The following MYO16 variants were observed in gnomAD, a reference collection of about 807,000 sequenced individuals.
The protein encoded by MYO16 is myosin XVI.
In MYO16, 94 loss-of-function variants were observed where a neutral mutation model predicts 205.3. That is an observed-to-expected ratio of 0.46 (90% CI 0.39 to 0.54). MYO16 has a LOEUF of 0.54. Among genes scored for constraint, MYO16 ranks in the 20% least tolerant of loss-of-function variants. MYO16 has a pLI of 0.00. For missense variants in MYO16, 2,315 were observed against 2,387.5 expected (o/e 0.97, Z 0.63); for synonymous variants, 988 against 954.0 (o/e 1.04, Z -0.66).
intron 1 of MYO16, among the ~76,000 whole-genome samples, chr13:108,639,727 A>C (rs1374558465): frequency 6.6e-6 from 1 of 152,252 alleles, no homozygotes; most frequent in Non-Finnish European, 1.5e-5. Context: ...GCAGTGGCAC[A>C]GTCTGGGAGG....
chr13:109,188,959 T>C (rs1201365518), intron 34 of MYO16, among the ~76,000 whole-genome samples: 1 of 152,028 alleles, frequency 6.6e-6, no homozygotes, highest in Admixed American at 6.5e-5. Context: ...CTGGGCGTGG[T>C]GGTGCATGCC....
chr13:108,853,857 C>T (rs1388990190), intron 10 of MYO16, among the ~76,000 whole-genome samples: 1 of 151,704 alleles, frequency 6.6e-6, no homozygotes, highest in African/African-American at 2.4e-5. Flanking sequence ...AACTCCAGTG[C>T]CATAAAGCTT....
chr13:108,573,181 G>C, the MYO16 span, among the ~76,000 whole-genome samples: 54 of 152,318 alleles, frequency 3.5e-4, no homozygotes, highest in South Asian at 0.011. Context: ...AGAGGTCCAG[G>C]AGAGAAGATA....
chr13:108,610,621 T>G (rs1236613351), intron 1 of MYO16, among the ~76,000 whole-genome samples: 3 of 152,194 alleles, frequency 2.0e-5, no homozygotes, highest in African/African-American at 4.8e-5. Context: ...ATACAAGCAT[T>G]TTAAGTTCAG....
At chr13:108,545,314 C>T in the MYO16 span, among the ~76,000 whole-genome samples, 8 of 152,150 alleles carry the variant, frequency 5.3e-5, no homozygotes, top group African/African-American at 1.2e-4. Flanking sequence ...GTTCCATCCA[C>T]GTTGCTGCAT....
intron 1 of MYO16, among the ~76,000 whole-genome samples, chr13:108,612,181 C>A (rs2070780055): frequency 6.6e-6 from 1 of 152,018 alleles, no homozygotes; most frequent in African/African-American, 2.4e-5. Flanking sequence ...TCTTCTGCAG[C>A]TCCTCTGGAC....
chr13:108,615,712 G>A (rs941046197), intron 1 of MYO16, among the ~76,000 whole-genome samples: 5 of 152,090 alleles, frequency 3.3e-5, no homozygotes, highest in African/African-American at 1.2e-4. Flanking sequence ...GCCACATATG[G>A]TATAACCTCA....
At chr13:108,616,880 A>T (rs1320394985) in intron 1 of MYO16, among the ~76,000 whole-genome samples, 1 of 152,146 alleles carries the variant, frequency 6.6e-6, no homozygotes, top group Non-Finnish European at 1.5e-5. Context: ...CACTGTAACA[A>T]AAGTGATCTG....
Position 108,828,622 on chromosome 13 carries a change from A to G in MYO16, c.1097+5344A>G, listed in dbSNP as rs150742168. On this transcript the variant is annotated intron_variant, in intron 9 of 34. Coordinates refer to ENST00000457511, the MANE Select transcript of MYO16 (RefSeq NM_001198950.3). The stretch of plus-strand genomic sequence containing the variant: ...CCTACCAGGTGAGATGACGCAGGGT[A>G]GGGGCCTAGTCATGCCAGAAAAACC... 4.0e-4 allele frequency among the ~76,000 whole-genome samples: 61 copies of G among 152,274 alleles called. No individual in the cohort carries two copies. In the East Asian group the frequency reaches 9.5e-3, roughly 24 times the overall value.
chr13:108,611,332 T>A (rs979413840), intron 1 of MYO16, among the ~76,000 whole-genome samples: 7 of 152,158 alleles, frequency 4.6e-5, no homozygotes, highest in Admixed American at 2.6e-4. Context: ...TTAATCATTT[T>A]AAAAAGTTCT....
At chr13:109,167,738 C>T (rs959802189) in intron 33 of MYO16, among the ~76,000 whole-genome samples, 2 of 152,052 alleles carry the variant, frequency 1.3e-5, no homozygotes, top group African/African-American at 2.4e-5. Context: ...ATTTTAAAAG[C>T]AGTTAGAGGT....
intron 32 of MYO16, among the ~76,000 whole-genome samples, chr13:109,158,235 C>A (rs1187594493): frequency 2.0e-5 from 3 of 152,208 alleles, no homozygotes. Context: ...AAGGACTCAT[C>A]TTAACTCCCA....
rs776558818 is a variant in MYO16 at position 108,712,751 on chromosome 13, G to T, written c.363+20G>T. ...CATCTGGTAAGAACCGCGACAGTCAGTGCCAGTGCATGGGGACACCCGGGG... is the reference window on the plus strand; with the variant it reads ...CATCTGGTAAGAACCGCGACAGTCATTGCCAGTGCATGGGGACACCCGGGG... On this transcript the variant is annotated intron_variant, in intron 3 of 34. Coordinates refer to ENST00000457511, the MANE Select transcript of MYO16 (RefSeq NM_001198950.3). The T allele has an allele frequency of 6.2e-7, 1 of 1,604,064 alleles. No homozygotes were observed. Among genetic ancestry groups the T allele is most frequent in the South Asian group, 1.1e-5 (1 of 89,900 alleles).
intron 2 of MYO16, among the ~76,000 whole-genome samples, chr13:108,694,950 TA>T (rs1176204384): frequency 1.3e-5 from 2 of 152,048 alleles, no homozygotes; most frequent in Non-Finnish European, 2.9e-5. Flanking sequence ...CCGTCTCTAC[TA>T]AAAATACAAA....
intron 20 of MYO16, among the ~76,000 whole-genome samples, chr13:108,977,024 G>A (rs534127921): frequency 2.0e-5 from 3 of 151,972 alleles, no homozygotes; most frequent in South Asian, 4.2e-4. Flanking sequence ...CAATATTATC[G>A]AATACATGTA....
intron 15 of MYO16, among the ~76,000 whole-genome samples, chr13:108,898,351 AGTGTGTGTGTGT>A (rs3042037): frequency 3.1e-4 from 45 of 145,092 alleles, no homozygotes; most frequent in Middle Eastern, 3.4e-3. Flanking sequence ...AGGGTGTGTG[AGTGTGTGTGTGT>A]GTGTGTGTGT....
chr13:108,993,725 C>T (rs1431024606), intron 21 of MYO16, among the ~76,000 whole-genome samples: 1 of 152,058 alleles, frequency 6.6e-6, no homozygotes, highest in African/African-American at 2.4e-5. Flanking sequence ...TAATGATGAA[C>T]ATAAGGAAGA....
the MYO16 span, among the ~76,000 whole-genome samples, chr13:108,584,778 T>C: frequency 6.6e-6 from 1 of 152,220 alleles, no homozygotes; most frequent in Non-Finnish European, 1.5e-5. Flanking sequence ...AGAGCAACTT[T>C]GGACCAAATA....
chr13:109,136,210 C>G (rs1017371027), intron 31 of MYO16, among the ~76,000 whole-genome samples: 7 of 152,100 alleles, frequency 4.6e-5, no homozygotes, highest in Admixed American at 4.6e-4. Flanking sequence ...TCTCCTGCCT[C>G]AGCCTCCCAA....
Sources: gnomAD v4.1 joint callset for allele counts (sites outside exome capture counted in the v4.1 genomes callset) on GRCh38, gnomAD v4.1.1 for gene constraint, MANE v1.5 for transcripts, NCBI Gene and HGNC (gene_info 2026-07-23, HGNC 2026-07-21) for gene names.